The following RNLS variants were observed in gnomAD, a reference collection of about 807,000 sequenced individuals.
The protein encoded by RNLS is renalase, FAD dependent amine oxidase, also known as renalase.
In RNLS, 39 loss-of-function variants were observed where a neutral mutation model predicts 39.8. The observed-to-expected ratio is 0.98, with a 90% CI of 0.76 to 1.28. The LOEUF is 1.28. RNLS is among the 50% of genes most tolerant of loss of function. RNLS has a pLI of 0.00. For missense variants in RNLS, 410 were observed against 413.3 expected (o/e 0.99, Z 0.07); for synonymous variants, 147 against 150.7 (o/e 0.98, Z 0.18).
In RNLS at chr10:88,350,539, T is replaced by C. The variant is rs1246806832; in HGVS notation, c.700+12013A>G. Among the ~76,000 whole-genome samples the C allele has an allele frequency of 4.6e-5, 7 of 152,298 alleles. No homozygotes were observed. The East Asian group carries it at 1.4e-3, about 29-fold the overall frequency. ...GAATGACGGTTTCCAGCTTCATCCATGTCCCTACAAAGGACATGAACTCAT... is the reference window on the plus strand; with the variant it reads ...GAATGACGGTTTCCAGCTTCATCCACGTCCCTACAAAGGACATGAACTCAT... On this transcript the variant is annotated intron_variant, in intron 5 of 6. Coordinates refer to ENST00000331772, the MANE Select transcript of RNLS (RefSeq NM_001031709.3).
At chr10:88,252,121 G>T in the RNLS span, among the ~76,000 whole-genome samples, 1 of 152,160 alleles carries the variant, frequency 6.6e-6, no homozygotes, top group Non-Finnish European at 1.5e-5. Flanking sequence ...CACCTAACCT[G>T]CTCTGGACCT....
At chr10:88,436,792 A>T (rs753553937) in intron 4 of RNLS, among the ~76,000 whole-genome samples, 2 of 151,898 alleles carry the variant, frequency 1.3e-5, no homozygotes. Flanking sequence ...CTTGGGACCC[A>T]TTTTTATATT....
At chr10:88,453,852 A>G (rs1187804226) in intron 4 of RNLS, among the ~76,000 whole-genome samples, 2 of 152,140 alleles carry the variant, frequency 1.3e-5, no homozygotes, top group Admixed American at 6.5e-5. Context: ...CTCTGTTTAT[A>G]TTACCTGTTT....
At chr10:88,493,782 T>A (rs193238258) in intron 4 of RNLS, among the ~76,000 whole-genome samples, 1 of 152,270 alleles carries the variant, frequency 6.6e-6, no homozygotes, top group African/African-American at 2.4e-5. Flanking sequence ...CTACTGTGAT[T>A]GTTTCCTTTT....
chr10:88,362,541 G>A lies in RNLS; in HGVS notation c.700+11C>T. On this transcript the variant is annotated intron_variant, in intron 5 of 6. Coordinates refer to ENST00000331772, the MANE Select transcript of RNLS (RefSeq NM_001031709.3). The stretch of plus-strand genomic sequence containing the variant: ...GTTGCTGTATTTAAGGGAAATAATA[G>A]GGGTACTGACCTATATTGCGCTTCT... The A allele has an allele frequency of 1.2e-6, 2 of 1,609,950 alleles. No homozygotes were observed. Among genetic ancestry groups the A allele is most frequent in the Non-Finnish European group, 1.7e-6 (2 of 1,177,452 alleles).
chr10:88,242,922 G>C, the RNLS span, among the ~76,000 whole-genome samples: 2 of 151,472 alleles, frequency 1.3e-5, no homozygotes, highest in African/African-American at 4.9e-5. Flanking sequence ...ACTCCAGCCT[G>C]GGCAACAAGA....
chr10:88,407,325 G>C (rs1463201643), intron 4 of RNLS, among the ~76,000 whole-genome samples: 2 of 151,910 alleles, frequency 1.3e-5, no homozygotes, highest in African/African-American at 2.4e-5. Flanking sequence ...TGAAAAAAAT[G>C]CAACATTTAT....
chr10:88,419,361 A>G lies in RNLS; in HGVS notation c.527-56636T>C, dbSNP rs59387612. On this transcript the variant is annotated intron_variant, in intron 4 of 6. Transcript: ENST00000331772. ...GAATTCTGTCTTAGAGATCATTCAT[A>G]TGGCCACTGCCAGAAGACTAGTCTA... 2.2e-3 allele frequency among the ~76,000 whole-genome samples: 330 copies of G among 152,290 alleles called. 2 individuals carry two copies. Among genetic ancestry groups the G allele is most frequent in the African/African-American group, 7.5e-3 (313 of 41,558 alleles).
intron 4 of RNLS, among the ~76,000 whole-genome samples, chr10:88,395,137 T>TGTACATATGTAACATATGTACATGGC (rs1852474393): frequency 6.6e-6 from 1 of 150,936 alleles, no homozygotes; most frequent in African/African-American, 2.4e-5. Context: ...GGCACATGTA[T>TGTACATATGTAACATATGTACATGGC]ACATATGTAA....
chr10:88,494,490 T>C (rs1315176030), intron 4 of RNLS, among the ~76,000 whole-genome samples: 1 of 152,202 alleles, frequency 6.6e-6, no homozygotes, highest in African/African-American at 2.4e-5. Flanking sequence ...TTTCATTTCA[T>C]TAAAGTATTT....
chr10:88,477,282 G>A (rs147835016), intron 4 of RNLS, among the ~76,000 whole-genome samples: 57 of 152,246 alleles, frequency 3.7e-4, no homozygotes, highest in African/African-American at 1.1e-3. Flanking sequence ...AAAAACTGAC[G>A]AAGGAACAAC....
At chr10:88,560,451 C>T (rs1389168912) in intron 4 of RNLS, among the ~76,000 whole-genome samples, 1 of 152,156 alleles carries the variant, frequency 6.6e-6, no homozygotes, top group Non-Finnish European at 1.5e-5. Context: ...CCCCACTACC[C>T]TGAGCCCCAC....
the RNLS span, among the ~76,000 whole-genome samples, chr10:88,206,737 A>G: frequency 6.6e-6 from 1 of 152,112 alleles, no homozygotes; most frequent in Non-Finnish European, 1.5e-5. Flanking sequence ...GGAAGCCCAG[A>G]CTCAGGAGAA....
chr10:88,326,556 A>C (rs897997877), intron 5 of RNLS, among the ~76,000 whole-genome samples: 8 of 152,224 alleles, frequency 5.3e-5, no homozygotes, highest in Non-Finnish European at 1.2e-4. Context: ...AAAAGCATTC[A>C]GTTTTATGCA....
At chr10:88,560,432 T>C (rs1245573423) in intron 4 of RNLS, among the ~76,000 whole-genome samples, 1 of 151,976 alleles carries the variant, frequency 6.6e-6, no homozygotes, top group Non-Finnish European at 1.5e-5. Context: ...CTGGTCCCAC[T>C]ACCCTGAGCC....
At chr10:88,436,505 A>G (rs767510240) in intron 4 of RNLS, among the ~76,000 whole-genome samples, 1 of 152,172 alleles carries the variant, frequency 6.6e-6, no homozygotes, top group Non-Finnish European at 1.5e-5. Context: ...GCCACTCACA[A>G]TGATATTTCT....
intron 4 of RNLS, among the ~76,000 whole-genome samples, chr10:88,465,596 C>T (rs1029835978): frequency 1.3e-5 from 2 of 152,002 alleles, no homozygotes; most frequent in African/African-American, 4.8e-5. Flanking sequence ...GAGATGATAG[C>T]TGGACTCAAA....
At chr10:88,330,067 T>TGA (rs569637036) in intron 5 of RNLS, among the ~76,000 whole-genome samples, 124 of 119,680 alleles carry the variant, frequency 1.0e-3, no homozygotes, top group African/African-American at 3.3e-3. Context: ...CTGTCTGTTT[T>TGA]GAGATATATA....
the RNLS span, among the ~76,000 whole-genome samples, chr10:88,240,416 A>T: frequency 7.5e-3 from 1,028 of 136,970 alleles, 10 homozygotes; most frequent in African/African-American, 0.025. Flanking sequence ...CTTTTTTTAA[A>T]AAAAAAAAAA....
Sources: gnomAD v4.1 joint callset for allele counts (sites outside exome capture counted in the v4.1 genomes callset) on GRCh38, gnomAD v4.1.1 for gene constraint, MANE v1.5 for transcripts, NCBI Gene and HGNC (gene_info 2026-07-23, HGNC 2026-07-21) for gene names.